FAM193B: variants seen among roughly 807,000 people sequenced by gnomAD.
FAM193B encodes the protein protein FAM193B.
In FAM193B, 27 loss-of-function variants were observed where a neutral mutation model predicts 70.7. That is an observed-to-expected ratio of 0.38 (90% CI 0.28 to 0.53). FAM193B has a LOEUF of 0.53. Among genes scored for constraint, FAM193B ranks in the 20% least tolerant of loss-of-function variants. The pLI, the probability that FAM193B is intolerant of heterozygous loss-of-function variation, is 0.81. For synonymous variants in FAM193B, 448 were observed against 436.0 expected, an observed-to-expected ratio of 1.03 and a Z score of -0.34; for missense variants, 1,022 against 1,072.5, an observed-to-expected ratio of 0.95 and a Z score of 0.66.
At chr5:177,531,536 G>GGGGGT in intron 5 of FAM193B, 1 of 1,047,034 alleles carries the variant, frequency 9.6e-7, no homozygotes, top group Non-Finnish European at 1.3e-6. Flanking sequence ...GGGTGGGGGG[G>GGGGGT]AGGTGCTGAC....
intron 5 of FAM193B, among the ~76,000 whole-genome samples, chr5:177,526,528 C>T (rs981708761): frequency 6.6e-6 from 1 of 151,274 alleles, no homozygotes; most frequent in Non-Finnish European, 1.5e-5. Context: ...AAAAGTTTGG[C>T]TGCTAAAAAA....
chr5:177,547,370 C>T (rs928389296), intron 1 of FAM193B: 4 of 141,964 alleles, frequency 2.8e-5, no homozygotes, highest in African/African-American at 2.7e-5. Flanking sequence ...CTGCAAGCTC[C>T]GCCTCCCGGG....
At chr5:177,533,147 T>C (rs1763738072) in intron 4 of FAM193B, among the ~76,000 whole-genome samples, 2 of 152,074 alleles carry the variant, frequency 1.3e-5, no homozygotes, top group South Asian at 2.1e-4. Context: ...ATGAGGCCAG[T>C]CTCCTTTCAC....
intron 1 of FAM193B, among the ~76,000 whole-genome samples, chr5:177,549,100 T>G (rs1765834967): frequency 6.6e-6 from 1 of 151,998 alleles, no homozygotes; most frequent in South Asian, 2.1e-4. Context: ...ACACCAAATA[T>G]CTACAATACT....
chr5:177,551,781 C>T (rs1766282213), intron 1 of FAM193B, among the ~76,000 whole-genome samples: 1 of 152,232 alleles, frequency 6.6e-6, no homozygotes, highest in South Asian at 2.1e-4. Context: ...TTTCATCTTC[C>T]TTATCCACTC....
intron 5 of FAM193B, among the ~76,000 whole-genome samples, chr5:177,526,497 A>C (rs1484979944): frequency 2.6e-5 from 4 of 152,032 alleles, no homozygotes; most frequent in African/African-American, 7.3e-5. Context: ...TCGCTCCCCC[A>C]GCACCACACA....
chr5:177,541,454 T>G (rs1215704495), intron 1 of FAM193B, among the ~76,000 whole-genome samples: 2 of 152,252 alleles, frequency 1.3e-5, no homozygotes, highest in African/African-American at 4.8e-5. Flanking sequence ...AGTCTCGCTC[T>G]GTCGCCCAGG....
intron 5 of FAM193B, among the ~76,000 whole-genome samples, chr5:177,530,935 C>A (rs932804339): frequency 3.3e-5 from 5 of 152,196 alleles, no homozygotes; most frequent in African/African-American, 1.2e-4. Context: ...GTGTCAGTCT[C>A]CCCACTGGAC....
rs1764154748 is a variant in FAM193B at position 177,536,343 on chromosome 5, A to C, written c.1076+15T>G. On this transcript the variant is annotated intron_variant, in intron 4 of 8. Coordinates refer to ENST00000514747, the MANE Select transcript of FAM193B (RefSeq NM_001190946.3). ...CAAGTGGGTAGCGAGTTTGCCCTTC[A>C]TGCAGCACACTTACCTGTGAGTGCT... is the stretch of plus-strand genomic sequence containing the variant. 6.2e-7 allele frequency: 1 copy of C among 1,604,826 alleles called. No homozygotes were observed. Among genetic ancestry groups the C allele is most frequent in the South Asian group, 1.1e-5 (1 of 90,018 alleles).
chr5:177,547,282 A>ATTTCTTTTT (rs1554120807), intron 1 of FAM193B: 4 of 24,688 alleles, frequency 1.6e-4, no homozygotes, highest in Non-Finnish European at 3.4e-4. Flanking sequence ...AACCAAATTT[A>ATTTCTTTTT]TTTCTTTTTT....
In FAM193B at chr5:177,538,216, C is replaced by T; in HGVS notation, c.454-109G>A. The T allele has an allele frequency of 8.6e-7, 1 of 1,162,088 alleles. No individual in the cohort carries two copies. Among genetic ancestry groups the T allele is most frequent in the Non-Finnish European group, 1.2e-6 (1 of 842,156 alleles). The allele number at this position is 1,162,088 out of a possible 1,614,324, so 72.0% of individuals were successfully genotyped here. The stretch of plus-strand genomic sequence containing the variant: ...AGCTCCTTCTCCTCCAGACCATGTG[C>T]CATAGCAAAAACACAATTAATACAA... On this transcript the variant is annotated intron_variant, in intron 2 of 8. Coordinates refer to ENST00000514747, the MANE Select transcript of FAM193B (RefSeq NM_001190946.3). The surrounding 1 kb of genome is among the most constrained non-coding windows in gnomAD (Gnocchi z 4.1).
chr5:177,520,403 G>C (rs337387), intron 8 of FAM193B, among the ~76,000 whole-genome samples: 5 of 152,330 alleles, frequency 3.3e-5, no homozygotes, highest in African/African-American at 1.2e-4. Context: ...TGACAAGGTG[G>C]GGGACAATCC....
At chr5:177,545,882 C>CT (rs1174916497) in intron 1 of FAM193B, among the ~76,000 whole-genome samples, 5 of 152,122 alleles carry the variant, frequency 3.3e-5, no homozygotes, top group Non-Finnish European at 7.4e-5. Context: ...TGCCCCAAGA[C>CT]ACATGCTGTA....
chr5:177,531,450 C>T (rs762404238), intron 5 of FAM193B: 2 of 1,363,954 alleles, frequency 1.5e-6, no homozygotes, highest in Non-Finnish European at 2.0e-6. Flanking sequence ...GCTCCTCTTT[C>T]CGCCTGGTCA....
rs199853914 is a variant in FAM193B, at chr5:177,546,010, C to CGTGTT, written c.211-6864_211-6863insAACAC. 6.5e-3 allele frequency among the ~76,000 whole-genome samples: 983 copies of CGTGTT among 152,320 alleles called. 13 individuals are homozygous for CGTGTT. Among genetic ancestry groups the CGTGTT allele is most frequent in the African/African-American group, 0.023 (943 of 41,556 alleles). On this transcript the variant is annotated intron_variant, in intron 1 of 8. Transcript: ENST00000514747. ...CTCTGTCACCAAGGCAGGCAGAGGACAACACCAGCAGCTAAAATTCCCTTT... is the reference window on the plus strand; with the variant it reads ...CTCTGTCACCAAGGCAGGCAGAGGACGTGTTAACACCAGCAGCTAAAATTCCCTTT...
At chr5:177,545,200 C>T (rs28495991) in intron 1 of FAM193B, among the ~76,000 whole-genome samples, 4,368 of 152,188 alleles carry the variant, frequency 0.029, 239 homozygotes, top group African/African-American at 0.1. Context: ...CCTGCCAATA[C>T]GCCTGACTAA....
chr5:177,532,028 G>A lies in FAM193B; in HGVS notation c.1275+415C>T, dbSNP rs1274515159. ...CTCTGATCTGAGCCTCCTTCCTGGCGCCGTCTGTGCTCACGGCCTGTCCCT... is the reference window on the plus strand; with the variant it reads ...CTCTGATCTGAGCCTCCTTCCTGGCACCGTCTGTGCTCACGGCCTGTCCCT... On this transcript the variant is annotated intron_variant, in intron 5 of 8. Transcript: ENST00000514747. This position sits in a 1 kb window ranked among gnomAD's most constrained non-coding sequence, Gnocchi z 4.9. 26 of 1,291,754 alleles carry A rather than the reference G, an allele frequency of 2.0e-5. 1 individual carries two copies. Among genetic ancestry groups the A allele is most frequent in the East Asian group, 5.5e-5 (1 of 18,164 alleles). 80.0% of individuals were successfully genotyped at this position (1,291,754 alleles called of 1,614,324 possible).
At position 177,554,379 on chromosome 5, in the gene FAM193B, T is replaced by A; in HGVS notation, c.80A>T (p.Gln27Leu). The A allele has an allele frequency of 1.7e-6, 2 of 1,196,042 alleles. No individual in the cohort carries two copies. The highest frequency in any genetic ancestry group is 2.1e-6 in the Non-Finnish European group (2 of 965,662). 74.1% of individuals were successfully genotyped at this position (1,196,042 alleles called of 1,614,324 possible). ...TGGCGGCGGCGGGGGCTCGGGCGCC[T>A]GGGGCTTCTGCGGCCCCGCGGCCCG... The part of the protein sequence containing the change: ...RARAAGPQKP[Q>L]APEPPPPPSL... The change falls in exon 1 of 9, where the codon CAG becomes CTG. Residue 27 changes from glutamine to leucine, a missense_variant. Transcript: ENST00000514747.
Position 177,554,460 on chromosome 5 carries a change from C to CCGCCGCTCG in FAM193B, c.-11_-3dup, listed in dbSNP as rs1311363983. ...CGGCCTGCTCCGCCTCCGCGTCATG[C>CCGCCGCTCG]CGCCGCTCGCGCCGCTCCCTCGCTC... On this transcript the variant is annotated 5_prime_UTR_variant, in exon 1 of 9. Coordinates refer to ENST00000514747, the MANE Select transcript of FAM193B (RefSeq NM_001190946.3). 2.5e-5 allele frequency: 25 copies of CCGCCGCTCG among 1,005,874 alleles called. No homozygotes were observed. In the African/African-American group the frequency reaches 3.8e-4, roughly 15 times the overall value. 62.3% of individuals were successfully genotyped at this position (1,005,874 alleles called of 1,614,324 possible).
Sources: allele counts gnomAD v4.1 joint callset (sites outside exome capture counted in the v4.1 genomes callset), GRCh38; gene constraint gnomAD v4.1.1; non-coding constraint Gnocchi (gnomAD v3.1); transcripts MANE v1.5; gene names NCBI Gene and HGNC (gene_info 2026-07-23, HGNC 2026-07-21).